Variants in VAPB observed in about 807,000 individuals in gnomAD.
The protein encoded by VAPB is vesicle-associated membrane protein-associated protein B/C.
Under a neutral mutation model 25.6 loss-of-function variants are expected in VAPB, and 7 were observed. The ratio of observed to expected loss-of-function variants is 0.27; its 90% CI spans 0.16 to 0.51. The LOEUF is 0.51. Ranked by LOEUF, VAPB falls within the 20% of genes least tolerant of loss-of-function variation. VAPB has a pLI of 0.97. For synonymous variants in VAPB, 112 were observed against 109.2 expected (o/e 1.03, Z -0.16); for missense variants, 266 against 301.3 (o/e 0.88, Z 0.87).
chr20:58,414,813 C>A (rs916483683), intron 1 of VAPB, among the ~76,000 whole-genome samples: 9 of 152,178 alleles, frequency 5.9e-5, no homozygotes, highest in Admixed American at 1.3e-4. Flanking sequence ...CCCCACTTCC[C>A]AGACGGGGTG....
chr20:58,418,496 C>A, intron 2 of VAPB, 133 bp downstream of exon 2: 1 of 1,180,964 alleles, frequency 8.5e-7, no homozygotes, highest in Non-Finnish European at 1.2e-6. Flanking sequence ...CACCCCACCC[C>A]ACCCCACCCC....
Position 58,450,780 on chromosome 20 carries a change from A to T in VAPB, c.*6545A>T. On this transcript the variant is annotated 3_prime_UTR_variant, in exon 6 of 6. Coordinates refer to ENST00000475243, the MANE Select transcript of VAPB (RefSeq NM_004738.5). ...GTCTTAGAATGCTTTAGTTTTCATAATTTGTCCTTTATGTATTTTTCATTG... is the reference window on the plus strand; with the variant it reads ...GTCTTAGAATGCTTTAGTTTTCATATTTTGTCCTTTATGTATTTTTCATTG... 2.2e-6 allele frequency: 1 copy of T among 454,062 alleles called. No homozygotes were observed. The highest frequency in any genetic ancestry group is 4.4e-6 in the Non-Finnish European group (1 of 226,776). 28.1% of individuals were successfully genotyped at this position (454,062 alleles called of 1,614,324 possible).
At chr20:58,411,814 G>A (rs1988387703) in intron 1 of VAPB, among the ~76,000 whole-genome samples, 1 of 152,152 alleles carries the variant, frequency 6.6e-6, no homozygotes, top group Admixed American at 6.5e-5. Flanking sequence ...GAGTAGCTGG[G>A]ACTACAGGTG....
intron 1 of VAPB, among the ~76,000 whole-genome samples, chr20:58,393,177 A>C (rs2123013323): frequency 6.6e-6 from 1 of 152,176 alleles, no homozygotes. Flanking sequence ...AGGACTACAG[A>C]TGCCACCATT....
chr20:58,450,299 C>A lies in VAPB; in HGVS notation c.*6064C>A, dbSNP rs1457782045. 4.4e-6 allele frequency: 2 copies of A among 453,754 alleles called. No homozygotes were observed. The highest frequency in any genetic ancestry group is 2.0e-5 in the African/African-American group (1 of 49,952). 28.1% of individuals were successfully genotyped at this position (453,754 alleles called of 1,614,324 possible). The stretch of plus-strand genomic sequence containing the variant: ...GATATTGAGACCATGTGTACAAGAA[C>A]TACTTTTTGCTTTTCATCATTCACT... On this transcript the variant is annotated 3_prime_UTR_variant, in exon 6 of 6. Transcript: ENST00000475243.
intron 2 of VAPB, among the ~76,000 whole-genome samples, chr20:58,426,467 A>T (rs1326346365): frequency 6.6e-6 from 1 of 152,166 alleles, no homozygotes; most frequent in Non-Finnish European, 1.5e-5. Context: ...GGCAGGGCCG[A>T]CATGATAAGG....
chr20:58,389,318 C>G lies in VAPB; in HGVS notation c.-142C>G. 3 of 598,194 alleles carry G rather than the reference C, an allele frequency of 5.0e-6. No individual in the cohort carries two copies. The highest frequency in any genetic ancestry group is 1.2e-4 in the East Asian group (2 of 16,928). 37.1% of individuals were successfully genotyped at this position (598,194 alleles called of 1,614,324 possible). On this transcript the variant is annotated 5_prime_UTR_variant, in exon 1 of 6. Transcript: ENST00000475243. ...CGTAGACCGACCCCCCCCCAGCGCG[C>G]CCACCCGGTAGAGGACCCCCGCCCG...
chr20:58,397,623 A>G (rs1318644346), intron 1 of VAPB, among the ~76,000 whole-genome samples: 1 of 152,148 alleles, frequency 6.6e-6, no homozygotes, highest in South Asian at 2.1e-4. Context: ...GAGATTTCAT[A>G]GGCTTGCAGG....
chr20:58,438,407 A>G (rs955007141), intron 3 of VAPB, among the ~76,000 whole-genome samples: 1 of 152,110 alleles, frequency 6.6e-6, no homozygotes, highest in African/African-American at 2.4e-5. Flanking sequence ...CCTCCTGAGT[A>G]GCTGGGACCA....
rs142463061 is a variant in VAPB at position 58,396,466 on chromosome 20, T to C, written c.58+6949T>C. ...GTTTTTCATCTTTTAGCTTGTACTT[T>C]AAGACAATGGGATGTACCCCTAGAC... is the stretch of plus-strand genomic sequence containing the variant. On this transcript the variant is annotated intron_variant, in intron 1 of 5. Transcript: ENST00000475243. Among the ~76,000 whole-genome samples the C allele has an allele frequency of 5.3e-3, 800 of 152,374 alleles. 7 individuals carry two copies. The highest frequency in any genetic ancestry group is 0.018 in the African/African-American group (749 of 41,588).
Position 58,447,154 on chromosome 20 carries a change from T to C in VAPB, c.*2919T>C, listed in dbSNP as rs1235723883. 2.2e-6 allele frequency: 1 copy of C among 454,096 alleles called. No individual in the cohort carries two copies. The allele number at this position is 454,096 out of a possible 1,614,324, so 28.1% of individuals were successfully genotyped here. ...GCCCTGGCTTCAGAAATGCCAGCCATAGTGCTCACAAATGCAGAAGAGATG... is the reference window on the plus strand; with the variant it reads ...GCCCTGGCTTCAGAAATGCCAGCCACAGTGCTCACAAATGCAGAAGAGATG... On this transcript the variant is annotated 3_prime_UTR_variant, in exon 6 of 6. Coordinates refer to ENST00000475243, the MANE Select transcript of VAPB (RefSeq NM_004738.5).
chr20:58,434,540 G>A (rs1295695738), intron 2 of VAPB, 62 bp from the exon 3 acceptor site: 11 of 837,322 alleles, frequency 1.3e-5, no homozygotes, highest in Non-Finnish European at 2.3e-5. Flanking sequence ...ACAAGTATTA[G>A]CATAATAAAT....
At chr20:58,416,684 A>G (rs970750623) in intron 1 of VAPB, among the ~76,000 whole-genome samples, 2 of 151,878 alleles carry the variant, frequency 1.3e-5, no homozygotes, top group African/African-American at 4.8e-5. Context: ...TGATTTTGGG[A>G]TTGAGTCCCA....
intron 1 of VAPB, among the ~76,000 whole-genome samples, chr20:58,389,875 A>G (rs1382958583): frequency 6.6e-6 from 1 of 152,166 alleles, no homozygotes; most frequent in African/African-American, 2.4e-5. Flanking sequence ...GCTCCGTGAC[A>G]GTGTTGACCT....
intron 3 of VAPB, among the ~76,000 whole-genome samples, chr20:58,435,680 A>G (rs929529908): frequency 6.6e-6 from 1 of 152,222 alleles, no homozygotes; most frequent in African/African-American, 2.4e-5. Flanking sequence ...ATCTCCGCTG[A>G]TGTTTCACTT....
intron 1 of VAPB, among the ~76,000 whole-genome samples, chr20:58,395,007 C>G (rs959404856): frequency 6.6e-6 from 1 of 152,142 alleles, no homozygotes; most frequent in East Asian, 1.9e-4. Context: ...AACTTTGACC[C>G]TGTGTTATTA....
intron 1 of VAPB, among the ~76,000 whole-genome samples, chr20:58,410,670 C>G (rs2123043878): frequency 1.3e-5 from 2 of 152,234 alleles, no homozygotes; most frequent in Middle Eastern, 6.8e-3. Flanking sequence ...GCCCCCCCGC[C>G]CCACTCAGCC....
chr20:58,402,506 C>T (rs1988121074), intron 1 of VAPB, among the ~76,000 whole-genome samples: 1 of 151,516 alleles, frequency 6.6e-6, no homozygotes, highest in South Asian at 2.1e-4. Context: ...AGCATGTTGT[C>T]ATTGGCAACG....
intron 5 of VAPB, 57 bp from the exon 6 acceptor site, chr20:58,444,020 T>A (rs1989218481): frequency 6.8e-6 from 11 of 1,613,486 alleles, no homozygotes; most frequent in Middle Eastern, 1.7e-4. Context: ...AGCTGTACAG[T>A]TGACTCCCCT....
Sources: gnomAD v4.1 joint callset for allele counts (sites outside exome capture counted in the v4.1 genomes callset) on GRCh38, gnomAD v4.1.1 for gene constraint, MANE v1.5 for transcripts, NCBI Gene and HGNC (gene_info 2026-07-23, HGNC 2026-07-21) for gene names.